CSF1: variants seen among roughly 807,000 people sequenced by gnomAD.
The protein encoded by CSF1 is colony stimulating factor 1.
Under a neutral mutation model 48.9 loss-of-function variants are expected in CSF1, and 9 were observed. The ratio of observed to expected loss-of-function variants is 0.18; its 90% CI spans 0.11 to 0.32. The LOEUF is 0.32. Among genes scored for constraint, CSF1 ranks in the 10% least tolerant of loss-of-function variants. CSF1 has a pLI of 1.00. For synonymous variants in CSF1, 305 were observed against 284.1 expected (o/e 1.07, Z -0.74); for missense variants, 672 against 697.9 (o/e 0.96, Z 0.42).
chr1:109,927,508 A>G (rs1053039929), intron 8 of CSF1, among the ~76,000 whole-genome samples: 3 of 152,066 alleles, frequency 2.0e-5, no homozygotes, highest in Non-Finnish European at 4.4e-5. Context: ...TCTGTCCCCA[A>G]ACCCCTCGCC....
At chr1:109,924,506 G>A (rs1004337517) in intron 6 of CSF1, among the ~76,000 whole-genome samples, 19 of 152,080 alleles carry the variant, frequency 1.2e-4, no homozygotes, top group African/African-American at 4.6e-4. Flanking sequence ...GAGCGTGTCA[G>A]GGCAGGCGTA....
chr1:109,930,599 T>G lies in CSF1; in HGVS notation c.*1761T>G, dbSNP rs1648029950. The G allele has an allele frequency of 6.6e-6, 1 of 152,224 alleles. No individual in the cohort carries two copies. The highest frequency in any genetic ancestry group is 1.5e-5 in the Non-Finnish European group (1 of 68,042). 9.4% of individuals were successfully genotyped at this position (152,224 alleles called of 1,614,324 possible). On this transcript the variant is annotated 3_prime_UTR_variant, in exon 9 of 9. Transcript: ENST00000329608. Reference sequence around the variant, plus strand: ...TGAACTTGCATATGGGGCTTAGCCTTCTAGTCACAGCCTCTATATTTGATG... The same window carrying G: ...TGAACTTGCATATGGGGCTTAGCCTGCTAGTCACAGCCTCTATATTTGATG...
In CSF1 at chr1:109,923,633, G is replaced by C. The variant is rs774548019; in HGVS notation, c.1012G>C (p.Ala338Pro). The stretch of plus-strand genomic sequence containing the variant: ...AGGGGGCAGCATGCAGACAGAGCCC[G>C]CCAGACCCAGCAACTTCCTCTCAGC... ...PGGGSMQTEP[A>P]RPSNFLSASS... Residue 338 changes from alanine to proline, a missense_variant, in exon 6 of 9, where the codon GCC (alanine) becomes CCC (proline). Physicochemically the swap from Ala to Pro is conservative, Grantham distance 27. Transcript: ENST00000329608. The C allele has an allele frequency of 6.2e-7, 1 of 1,613,996 alleles. No individual in the cohort carries two copies. The highest frequency in any genetic ancestry group is 2.2e-5 in the East Asian group (1 of 44,876).
At chr1:109,922,213 A>G (rs1570797894) in intron 5 of CSF1, 1 of 414,448 alleles carries the variant, frequency 2.4e-6, no homozygotes. Context: ...ATGCACACCT[A>G]CATATGTCTG....
intron 2 of CSF1, 36 bp from the exon 3 acceptor site, chr1:109,915,598 G>C (rs1184742525): frequency 3.2e-6 from 5 of 1,581,752 alleles, no homozygotes; most frequent in Admixed American, 1.7e-5. Flanking sequence ...TGAGCTGTAG[G>C]TTACCCTGCA....
In CSF1 at chr1:109,910,964, C is replaced by CAGCG. The variant is rs551065514; in HGVS notation, c.-41_-38dup. Reference sequence around the variant, plus strand: ...GCCGGGGCGCCCACTCCGCAGCAGCCAGCGAGCGAGCGAGCGAGCGAGGGC... The same window carrying CAGCG: ...GCCGGGGCGCCCACTCCGCAGCAGCCAGCGAGCGAGCGAGCGAGCGAGCGAGGGC... On this transcript the variant is annotated 5_prime_UTR_variant, in exon 1 of 9. Transcript: ENST00000329608. 1.1e-4 allele frequency: 121 copies of CAGCG among 1,150,722 alleles called. 1 individual carries two copies. In the South Asian group the frequency reaches 1.1e-3, roughly 11 times the overall value. The allele number at this position is 1,150,722 out of a possible 1,614,324, so 71.3% of individuals were successfully genotyped here. A position where few individuals can be genotyped will look rare whatever the true frequency, so the allele number is the denominator to read the frequency against.
In CSF1 at chr1:109,925,073, G is replaced by T. The variant is rs1172870751; in HGVS notation, c.1623-74G>T. On this transcript the variant is annotated intron_variant, in intron 7 of 8. Transcript: ENST00000329608. ...GGCCTAGAGCATGTCTGGGGCTTAGGGGTAAACTTACGGAGTCCCCTTATT... is the reference window on the plus strand; with the variant it reads ...GGCCTAGAGCATGTCTGGGGCTTAGTGGTAAACTTACGGAGTCCCCTTATT... 1.1e-5 allele frequency: 15 copies of T among 1,367,520 alleles called. No individual in the cohort carries two copies. In the South Asian group the frequency reaches 1.2e-4, roughly 11 times the overall value. The allele number at this position is 1,367,520 out of a possible 1,614,324, so 84.7% of individuals were successfully genotyped here.
In CSF1 at chr1:109,910,941, C is replaced by T. The variant is rs1214974014; in HGVS notation, c.-83C>T. 2.1e-6 allele frequency: 2 copies of T among 959,274 alleles called. No individual in the cohort carries two copies. The highest frequency in any genetic ancestry group is 2.5e-6 in the Non-Finnish European group (2 of 792,760). 59.4% of individuals were successfully genotyped at this position (959,274 alleles called of 1,614,324 possible). A position where few individuals can be genotyped will look rare whatever the true frequency, so the allele number is the denominator to read the frequency against. ...CCAGGACAGCGGTGCGGCCCTCGGC[C>T]GGGGCGCCCACTCCGCAGCAGCCAG... On this transcript the variant is annotated 5_prime_UTR_variant, in exon 1 of 9. Transcript: ENST00000329608.
At position 109,930,819 on chromosome 1, in the gene CSF1, C is replaced by T. The variant is rs1422254393; in HGVS notation, c.*1981C>T. On this transcript the variant is annotated 3_prime_UTR_variant, in exon 9 of 9. Transcript: ENST00000329608. ...CTGGTGTCCCCCCAGGCTACCTGCT[C>T]AGGAACCCCTTCTGTTCTCTGAGAA... 5 of 152,208 alleles carry T rather than the reference C, an allele frequency of 3.3e-5. No individual in the cohort carries two copies. The highest frequency in any genetic ancestry group is 2.0e-4 in the Admixed American group (3 of 15,284). 9.4% of individuals were successfully genotyped at this position (152,208 alleles called of 1,614,324 possible).
rs1647766456 is a variant in CSF1 at position 109,924,846 on chromosome 1, G to A, written c.1622+18G>A. The A allele has an allele frequency of 1.2e-6, 2 of 1,602,724 alleles. No homozygotes were observed. The highest frequency in any genetic ancestry group is 1.3e-5 in the African/African-American group (1 of 74,766). ...GAGGGCAGGTGAGAGCTTGAGGTGGGGCTCTGGGAGGCACTGGGGGCCTGG... is the reference window on the plus strand; with the variant it reads ...GAGGGCAGGTGAGAGCTTGAGGTGGAGCTCTGGGAGGCACTGGGGGCCTGG... On this transcript the variant is annotated intron_variant, in intron 7 of 8. Coordinates refer to ENST00000329608, the MANE Select transcript of CSF1 (RefSeq NM_000757.6).
Position 109,930,694 on chromosome 1 carries a change from CAT to C in CSF1, c.*1860_*1861del, listed in dbSNP as rs1033776473. 1.2e-4 allele frequency: 18 copies of C among 152,258 alleles called. No homozygotes were observed. The East Asian group carries it at 3.5e-3, about 29-fold the overall frequency. The allele number at this position is 152,258 out of a possible 1,614,324, so 9.4% of individuals were successfully genotyped here. A position where few individuals can be genotyped will look rare whatever the true frequency, so the allele number is the denominator to read the frequency against. The stretch of plus-strand genomic sequence containing the variant: ...TCCCCCTTCATCCCCCTACCTTAAA[CAT>C]ATAATATTTTAAAGGTCAAAAAAGC... On this transcript the variant is annotated 3_prime_UTR_variant, in exon 9 of 9. Transcript: ENST00000329608.
In CSF1 at chr1:109,918,998, G is replaced by A. The variant is rs60659087; in HGVS notation, c.396+1535G>A. 2.6e-4 allele frequency among the ~76,000 whole-genome samples: 39 copies of A among 152,154 alleles called. No individual in the cohort carries two copies. The East Asian group carries it at 6.8e-3, about 26-fold the overall frequency. ...AGGAAAAGAGGGAGAGTGCAGAGTC[G>A]AGGCACTGCATTCCAAGATGGATAA... On this transcript the variant is annotated intron_variant, in intron 4 of 8. Coordinates refer to ENST00000329608, the MANE Select transcript of CSF1 (RefSeq NM_000757.6).
At position 109,917,505 on chromosome 1, in the gene CSF1, G is replaced by A. The variant is rs374080210; in HGVS notation, c.396+42G>A. The A allele has an allele frequency of 8.1e-6, 13 of 1,602,628 alleles. No individual in the cohort carries two copies. In the African/African-American group the frequency reaches 1.2e-4, roughly 15 times the overall value. ...CCTGGAGCACTGAGTGAGGGCAGAG[G>A]GTGGCTGTGGAGGCGCCGCTCTATC... is the stretch of plus-strand genomic sequence containing the variant. On this transcript the variant is annotated intron_variant, in intron 4 of 8. Transcript: ENST00000329608.
At chr1:109,926,060 C>T (rs1249969434) in intron 8 of CSF1, 1 of 152,200 alleles carries the variant, frequency 6.6e-6, no homozygotes, top group Non-Finnish European at 1.5e-5. Context: ...ATATGGTTTT[C>T]AGACCCCTCA....
At chr1:109,914,167 A>G (rs976248512) in intron 1 of CSF1, 92 bp from the exon 2 acceptor site, 2 of 1,369,440 alleles carry the variant, frequency 1.5e-6, no homozygotes, top group South Asian at 1.7e-5. Flanking sequence ...AGCATTGTAG[A>G]TATGAGGCCT....
chr1:109,920,358 C>G (rs1056124700), intron 4 of CSF1, among the ~76,000 whole-genome samples: 1 of 150,680 alleles, frequency 6.6e-6, no homozygotes. Flanking sequence ...ACCTTTGCCT[C>G]CCGGGTTCAA....
At chr1:109,919,797 A>G (rs958505933) in intron 4 of CSF1, among the ~76,000 whole-genome samples, 1 of 152,014 alleles carries the variant, frequency 6.6e-6, no homozygotes, top group Non-Finnish European at 1.5e-5. Flanking sequence ...CATCTTTACT[A>G]AAAATACAAA....
At chr1:109,915,946 A>G (rs1317623422) in intron 3 of CSF1, among the ~76,000 whole-genome samples, 2 of 152,208 alleles carry the variant, frequency 1.3e-5, no homozygotes, top group African/African-American at 4.8e-5. Flanking sequence ...TTCTGACAGT[A>G]CCACTATGTG....
chr1:109,924,950 G>C (rs573585338), intron 7 of CSF1, 122 bp downstream of exon 7: 6 of 1,098,358 alleles, frequency 5.5e-6, no homozygotes, highest in Non-Finnish European at 8.2e-6. Flanking sequence ...GAACAGGATG[G>C]GGGAGAGAAG....
Sources: allele counts gnomAD v4.1 joint callset (sites outside exome capture counted in the v4.1 genomes callset), GRCh38; gene constraint gnomAD v4.1.1; transcripts MANE v1.5; gene names NCBI Gene and HGNC (gene_info 2026-07-23, HGNC 2026-07-21).